The following MYO10 variants were observed in gnomAD, a reference collection of about 807,000 sequenced individuals.
MYO10 encodes the protein myosin X.
Under a neutral mutation model 257.3 loss-of-function variants are expected in MYO10, and 133 were observed. The observed-to-expected ratio is 0.52, with a 90% CI of 0.45 to 0.60. The LOEUF (loss-of-function observed/expected upper bound fraction) is 0.60. Among genes scored for constraint, MYO10 ranks in the 20% least tolerant of loss-of-function variants. MYO10 has a pLI of 0.00. For missense variants in MYO10, 2,399 were observed against 2,635.7 expected (o/e 0.91, Z 1.97); for synonymous variants, 1,104 against 1,028.6 (o/e 1.07, Z -1.40).
chr5:16,719,376 A>AGAT (rs1310022798), intron 19 of MYO10, among the ~76,000 whole-genome samples: 1 of 152,198 alleles, frequency 6.6e-6, no homozygotes, highest in Non-Finnish European at 1.5e-5. Flanking sequence ...TCTGAGCATG[A>AGAT]GATGACACAC....
chr5:16,754,044 C>T (rs1364114287), intron 19 of MYO10, among the ~76,000 whole-genome samples: 3 of 152,102 alleles, frequency 2.0e-5, no homozygotes, highest in African/African-American at 4.8e-5. Context: ...ATAAAAATTA[C>T]ATTACAATTA....
chr5:16,818,168 C>A lies in MYO10; in HGVS notation c.121-1G>T. 1 of 1,541,512 alleles carries A rather than the reference C, an allele frequency of 6.5e-7. No homozygotes were observed. Among genetic ancestry groups the A allele is most frequent in the Non-Finnish European group, 8.8e-7 (1 of 1,135,406 alleles). The stretch of plus-strand genomic sequence containing the variant: ...TTGTGCTCTGCTTGTAAGTGAATAC[C>A]TGAGGGAGGGAGAGGAATTCAATTA... On this transcript the variant is annotated splice_acceptor_variant, in intron 2 of 40. Transcript: ENST00000513610. LOFTEE classifies it high-confidence loss of function.
intron 2 of MYO10, among the ~76,000 whole-genome samples, chr5:16,831,887 T>C (rs891482300): frequency 6.6e-6 from 1 of 152,138 alleles, no homozygotes; most frequent in African/African-American, 2.4e-5. Flanking sequence ...AAAAAATTTA[T>C]ATATATCAGA....
intron 18 of MYO10, among the ~76,000 whole-genome samples, chr5:16,757,119 TA>T (rs58155620): frequency 0.035 from 3,474 of 100,124 alleles, 180 homozygotes; most frequent in African/African-American, 0.13. Context: ...ACTCTGCCTT[TA>T]AAAAAAAAAA....
At chr5:16,764,989 C>T (rs1740823801) in intron 11 of MYO10, among the ~76,000 whole-genome samples, 1 of 151,986 alleles carries the variant, frequency 6.6e-6, no homozygotes, top group African/African-American at 2.4e-5. Flanking sequence ...GCACCTGGCA[C>T]CAGGTTTAAA....
At chr5:16,860,364 T>A (rs917164495) in intron 2 of MYO10, among the ~76,000 whole-genome samples, 1 of 152,160 alleles carries the variant, frequency 6.6e-6, no homozygotes, top group Admixed American at 6.5e-5. Flanking sequence ...GACTTTCCAA[T>A]TGATCTCAGA....
At chr5:16,902,975 G>C (rs1207885712) in intron 1 of MYO10, among the ~76,000 whole-genome samples, 1 of 152,236 alleles carries the variant, frequency 6.6e-6, no homozygotes, top group East Asian at 1.9e-4. Flanking sequence ...ATCCAGACCA[G>C]GCTCTGATCT....
chr5:16,858,181 T>C (rs565036997), intron 2 of MYO10, among the ~76,000 whole-genome samples: 1 of 152,310 alleles, frequency 6.6e-6, no homozygotes, highest in East Asian at 1.9e-4. Context: ...TATAACTTTA[T>C]TAAATTTGAA....
intron 19 of MYO10, among the ~76,000 whole-genome samples, chr5:16,725,651 C>A (rs2126606891): frequency 6.6e-6 from 1 of 152,302 alleles, no homozygotes; most frequent in South Asian, 2.1e-4. Flanking sequence ...ACTTTACCTA[C>A]AATTTGCTCT....
intron 1 of MYO10, among the ~76,000 whole-genome samples, chr5:16,878,161 C>T (rs1425801800): frequency 6.6e-6 from 1 of 152,182 alleles, no homozygotes; most frequent in African/African-American, 2.4e-5. Context: ...AGCCTTCACC[C>T]TCTTTGAGAA....
chr5:16,900,744 G>GTTTTGTTTTT (rs1554007455), intron 1 of MYO10, among the ~76,000 whole-genome samples: 4 of 132,752 alleles, frequency 3.0e-5, no homozygotes, highest in African/African-American at 1.1e-4. Flanking sequence ...CCTAAATCTT[G>GTTTTGTTTTT]TTTTTTTTTT....
chr5:16,675,061 T>C lies in MYO10; in HGVS notation c.4756A>G (p.Ile1586Val). 1 of 1,613,960 alleles carries C rather than the reference T, an allele frequency of 6.2e-7. No homozygotes were observed. The highest frequency in any genetic ancestry group is 8.5e-7 in the Non-Finnish European group (1 of 1,179,882). ...TGTAGGATGCCCTGGATTATTGGAA[T>C]TGGGTCAGACATGGACTCCAGTTGC... ...LQQLESMSDPIPIIQGILQTG... is the reference protein window; with the variant it reads ...LQQLESMSDPVPIIQGILQTG... Residue 1586 changes from isoleucine to valine, a missense_variant, in exon 35 of 41, where the codon ATT becomes GTT. Transcript: ENST00000513610.
chr5:16,869,798 A>G (rs1163149194), intron 2 of MYO10, among the ~76,000 whole-genome samples: 1 of 151,050 alleles, frequency 6.6e-6, no homozygotes, highest in Non-Finnish European at 1.5e-5. Flanking sequence ...GCAGGAGACA[A>G]AGGTTGCAGT....
chr5:16,734,658 A>G (rs1239199786), intron 19 of MYO10, among the ~76,000 whole-genome samples: 2 of 152,088 alleles, frequency 1.3e-5, no homozygotes, highest in Admixed American at 6.6e-5. Flanking sequence ...TACAAAAATT[A>G]GCCGGACGTG....
At chr5:16,767,974 A>G (rs1424029681) in intron 10 of MYO10, among the ~76,000 whole-genome samples, 1 of 152,272 alleles carries the variant, frequency 6.6e-6, no homozygotes, top group East Asian at 1.9e-4. Context: ...CACTGTGCCC[A>G]GCCAAAAAGT....
chr5:16,795,011 T>C (rs1367183118), intron 3 of MYO10, among the ~76,000 whole-genome samples, 178 bp from the exon 4 acceptor site: 4 of 152,232 alleles, frequency 2.6e-5, no homozygotes, highest in Middle Eastern at 6.8e-3. Context: ...AATGAAGCCA[T>C]TTCAAAGAGG....
chr5:16,828,035 G>A (rs993396003), intron 2 of MYO10, among the ~76,000 whole-genome samples: 2 of 152,162 alleles, frequency 1.3e-5, no homozygotes, highest in Non-Finnish European at 2.9e-5. Context: ...TTGAATTCCA[G>A]CTCCGCCACT....
At chr5:16,901,246 A>C (rs561932458) in intron 1 of MYO10, among the ~76,000 whole-genome samples, 5 of 150,980 alleles carry the variant, frequency 3.3e-5, no homozygotes, top group Admixed American at 2.6e-4. Flanking sequence ...CACATACATT[A>C]CCTCCTCTCA....
chr5:16,834,595 T>C (rs984473877), intron 2 of MYO10, among the ~76,000 whole-genome samples: 29 of 152,270 alleles, frequency 1.9e-4, no homozygotes, highest in African/African-American at 5.5e-4. Context: ...GGTACTAAGA[T>C]TACATGATGA....
Sources: allele counts gnomAD v4.1 joint callset (sites outside exome capture counted in the v4.1 genomes callset), GRCh38; gene constraint gnomAD v4.1.1; transcripts MANE v1.5; gene names NCBI Gene and HGNC (gene_info 2026-07-23, HGNC 2026-07-21).